The following ACAP2 variants were observed in gnomAD, a reference collection of about 807,000 sequenced individuals.
ACAP2 encodes ArfGAP with coiled-coil, ankyrin repeat and PH domains 2.
ACAP2 carries 39 observed loss-of-function variants against 115.8 expected under a neutral mutation model. The ratio of observed to expected loss-of-function variants is 0.34; its 90% CI spans 0.26 to 0.44. The LOEUF (loss-of-function observed/expected upper bound fraction) is 0.44, where lower values mean the gene tolerates loss of function less well. ACAP2 is among the 20% of genes least tolerant of loss of function. ACAP2 has a pLI of 1.00. For missense variants in ACAP2, 662 were observed against 927.6 expected, an observed-to-expected ratio of 0.71 and a Z score of 3.72; for synonymous variants, 289 against 315.8, an observed-to-expected ratio of 0.92 and a Z score of 0.90.
At position 195,301,143 on chromosome 3, in the gene ACAP2, T is replaced by C. The variant is rs141085060; in HGVS notation, c.1395+432A>G. Reference sequence around the variant, plus strand: ...CTCTGTTACCCAGGCTGGAGTGCAGTGGCGCGATCTCGGCTCACTGCAAGC... The same window carrying C: ...CTCTGTTACCCAGGCTGGAGTGCAGCGGCGCGATCTCGGCTCACTGCAAGC... On this transcript the variant is annotated intron_variant, in intron 15 of 22. Transcript: ENST00000326793. 2.0e-3 allele frequency among the ~76,000 whole-genome samples: 298 copies of C among 152,098 alleles called. 6 individuals carry two copies. In the East Asian group the frequency reaches 0.041, roughly 21 times the overall value.
In ACAP2 at chr3:195,307,263, T is replaced by G. The variant is rs1192902382; in HGVS notation, c.970A>C (p.Ile324Leu). ...RLCTVKHCED[I>L]ERRFCFEVVS... is the part of the protein sequence containing the mutation. ...ACCTCAAAGCAGAATCGTCGCTCTA[T>G]GTCTTCACAATGTTTCACTGTGCAA... The change falls in exon 12 of 23, where the codon ATA becomes CTA. Residue 324 changes from isoleucine to leucine, a missense_variant. Transcript: ENST00000326793. 3.1e-6 allele frequency: 5 copies of G among 1,613,494 alleles called. No homozygotes were observed. The highest frequency in any genetic ancestry group is 1.3e-5 in the African/African-American group (1 of 74,922).
rs1473024917 is a variant in ACAP2, at chr3:195,344,319, T to C, written c.344+940A>G. ...AAAACAGTGTACTATCTTAATGAGA[T>C]CTAACACCACTGTACAGCTCTATTA... On this transcript the variant is annotated intron_variant, in intron 5 of 22. Coordinates refer to ENST00000326793, the MANE Select transcript of ACAP2 (RefSeq NM_012287.6). Among the ~76,000 whole-genome samples, 4 of 152,164 alleles carry C rather than the reference T, an allele frequency of 2.6e-5. No individual in the cohort carries two copies. The East Asian group carries it at 7.7e-4, about 29-fold the overall frequency.
chr3:195,293,892 G>C (rs933364164), intron 18 of ACAP2, among the ~76,000 whole-genome samples: 2 of 152,060 alleles, frequency 1.3e-5, no homozygotes, highest in Admixed American at 1.3e-4. Flanking sequence ...CCAGCACTTT[G>C]GGAGGCCGAG....
At chr3:195,370,914 T>C (rs1577371316) in intron 4 of ACAP2, among the ~76,000 whole-genome samples, 2 of 148,108 alleles carry the variant, frequency 1.4e-5, no homozygotes, top group Middle Eastern at 3.4e-3. Flanking sequence ...ATTGTGCCAT[T>C]GCACTCCAGT....
chr3:195,360,529 C>T (rs1732280647), intron 4 of ACAP2, among the ~76,000 whole-genome samples: 1 of 152,244 alleles, frequency 6.6e-6, no homozygotes, highest in Admixed American at 6.5e-5. Flanking sequence ...GGTGCAGTGG[C>T]TCATGCCTGT....
At chr3:195,329,125 T>G (rs1730008170) in intron 8 of ACAP2, among the ~76,000 whole-genome samples, 1 of 151,248 alleles carries the variant, frequency 6.6e-6, no homozygotes, top group Non-Finnish European at 1.5e-5. Context: ...GTCTCTTGCA[T>G]CTCTAACCAA....
Position 195,292,442 on chromosome 3 carries a change from C to T in ACAP2, c.1776G>A (p.Arg592=). The change falls in exon 19 of 23, where the codon AGG becomes AGA. Residue 592 remains arginine, a synonymous_variant. Coordinates refer to ENST00000326793, the MANE Select transcript of ACAP2 (RefSeq NM_012287.6). ...ANSLYEPEGE[R]QDSSMFLDSK... ...AGTCAAGAAACATAGAAGAATCTTGCCTTTCTCCTTCTGAAAAGCAAACAC... is the reference window on the plus strand; with the variant it reads ...AGTCAAGAAACATAGAAGAATCTTGTCTTTCTCCTTCTGAAAAGCAAACAC... 9 of 1,601,126 alleles carry T rather than the reference C, an allele frequency of 5.6e-6. No homozygotes were observed. The highest frequency in any genetic ancestry group is 6.8e-6 in the Non-Finnish European group (8 of 1,176,436).
intron 17 of ACAP2, chr3:195,295,202 G>A (rs771633109): frequency 9.3e-6 from 12 of 1,287,630 alleles, no homozygotes; most frequent in Non-Finnish European, 6.1e-6. Context: ...TTACTACTAC[G>A]CAGTTTTGAA....
intron 4 of ACAP2, among the ~76,000 whole-genome samples, chr3:195,367,235 C>A (rs1732790943): frequency 6.6e-6 from 1 of 152,232 alleles, no homozygotes; most frequent in South Asian, 2.1e-4. Context: ...CTAGGGTGGG[C>A]TCTGAGAATC....
At chr3:195,365,430 C>A (rs953588249) in intron 4 of ACAP2, among the ~76,000 whole-genome samples, 4 of 152,108 alleles carry the variant, frequency 2.6e-5, no homozygotes, top group Admixed American at 6.5e-5. Flanking sequence ...AAAAATGTTG[C>A]TAATATTGTT....
intron 1 of ACAP2, among the ~76,000 whole-genome samples, chr3:195,427,730 C>CA (rs1714792334): frequency 6.6e-6 from 1 of 151,896 alleles, no homozygotes; most frequent in Admixed American, 6.6e-5. Flanking sequence ...GGCAACATGG[C>CA]AAAACCTCAT....
In ACAP2 at chr3:195,404,409, T is replaced by A. The variant is rs184489087; in HGVS notation, c.54-12262A>T. On this transcript the variant is annotated intron_variant, in intron 1 of 22. Transcript: ENST00000326793. ...CAAAAATGTGCTTCTAAGGAAGAGA[T>A]AAAATATTTTTAAATATCCCAGAAA... Among the ~76,000 whole-genome samples the A allele has an allele frequency of 5.3e-5, 8 of 152,254 alleles. No individual in the cohort carries two copies. The South Asian group carries it at 6.2e-4, about 12-fold the overall frequency.
intron 4 of ACAP2, among the ~76,000 whole-genome samples, chr3:195,356,866 A>T (rs954565657): frequency 2.0e-5 from 3 of 151,940 alleles, no homozygotes; most frequent in African/African-American, 4.8e-5. Context: ...TAAGACTCAG[A>T]CATGCAGACT....
chr3:195,386,262 T>TA (rs1323553538), intron 2 of ACAP2, among the ~76,000 whole-genome samples: 5 of 152,174 alleles, frequency 3.3e-5, no homozygotes, highest in Non-Finnish European at 7.3e-5. Flanking sequence ...TGCTAATAGA[T>TA]ACAGGGTTTC....
chr3:195,345,528 T>A (rs1409532546), intron 4 of ACAP2, among the ~76,000 whole-genome samples: 1 of 152,188 alleles, frequency 6.6e-6, no homozygotes, highest in Non-Finnish European at 1.5e-5. Context: ...TACTTCTATT[T>A]ACAGAAGAAA....
chr3:195,319,514 C>T (rs888712566), intron 10 of ACAP2, among the ~76,000 whole-genome samples: 2 of 152,206 alleles, frequency 1.3e-5, no homozygotes, highest in East Asian at 1.9e-4. Flanking sequence ...GGAACCCACC[C>T]GCTGCATAGC....
chr3:195,342,994 CA>C (rs11444212), intron 5 of ACAP2, among the ~76,000 whole-genome samples: 263 of 129,046 alleles, frequency 2.0e-3, no homozygotes, highest in Middle Eastern at 4.2e-3. Flanking sequence ...GACTCCGACT[CA>C]AAAAAAAAAA....
At chr3:195,382,164 A>G in intron 2 of ACAP2, 142 bp from the exon 3 acceptor site, 1 of 780,182 alleles carries the variant, frequency 1.3e-6, no homozygotes. Flanking sequence ...ACTAATTGAA[A>G]AGTATTCTTT....
At chr3:195,435,340 A>C (rs375192846) in intron 1 of ACAP2, among the ~76,000 whole-genome samples, 82 of 151,794 alleles carry the variant, frequency 5.4e-4, no homozygotes, top group African/African-American at 1.8e-3. Flanking sequence ...ATGCCCAGCT[A>C]ATTTTTGTAT....
Sources: gnomAD v4.1 joint callset for allele counts (sites outside exome capture counted in the v4.1 genomes callset) on GRCh38, gnomAD v4.1.1 for gene constraint, MANE v1.5 for transcripts, NCBI Gene and HGNC (gene_info 2026-07-23, HGNC 2026-07-21) for gene names.